The following PATJ variants were observed in gnomAD, a reference collection of about 807,000 sequenced individuals.
The protein encoded by PATJ is inaD-like protein.
Under a neutral mutation model 224.9 loss-of-function variants are expected in PATJ, and 190 were observed. The observed-to-expected ratio is 0.84, with a 90% CI of 0.75 to 0.95. The LOEUF is 0.95. Ranked by LOEUF, PATJ falls within the 40% of genes least tolerant of loss-of-function variation. PATJ has a pLI of 0.00. For synonymous variants in PATJ, 769 were observed against 820.3 expected (o/e 0.94, Z 1.07); for missense variants, 2,121 against 2,270.3 (o/e 0.93, Z 1.34).
rs190429187 is a variant in PATJ at position 61,963,506 on chromosome 1, G to A, written c.3671-26662G>A. ...AGTTACTCAGGAGGCTAAGGCAGGA[G>A]AATCACTAGAACCCAGGAGGCAGAG... On this transcript the variant is annotated intron_variant, in intron 27 of 43. Transcript: ENST00000642238. Among the ~76,000 whole-genome samples the A allele has an allele frequency of 1.4e-4, 21 of 152,160 alleles. No individual in the cohort carries two copies. In the East Asian group the frequency reaches 4.1e-3, roughly 29 times the overall value.
intron 15 of PATJ, among the ~76,000 whole-genome samples, chr1:61,823,603 T>C (rs1338606825): frequency 6.6e-6 from 1 of 152,168 alleles, no homozygotes; most frequent in African/African-American, 2.4e-5. Flanking sequence ...TCTTGGGGAA[T>C]GGTCACACAA....
At chr1:61,816,158 T>C (rs1251778357) in intron 14 of PATJ, among the ~76,000 whole-genome samples, 1 of 152,208 alleles carries the variant, frequency 6.6e-6, no homozygotes, top group Non-Finnish European at 1.5e-5. Context: ...AACCACTTTA[T>C]AATGAACAAA....
At chr1:62,140,638 G>GC (rs1667405592) in intron 41 of PATJ, among the ~76,000 whole-genome samples, 1 of 151,838 alleles carries the variant, frequency 6.6e-6, no homozygotes, top group African/African-American at 2.4e-5. Flanking sequence ...GGGCAACAGA[G>GC]CGAGACACCA....
At chr1:62,118,707 G>C (rs1483247917) in intron 37 of PATJ, among the ~76,000 whole-genome samples, 1 of 152,108 alleles carries the variant, frequency 6.6e-6, no homozygotes, top group Non-Finnish European at 1.5e-5. Context: ...TCAGCTCACT[G>C]TAATCTTCGC....
intron 20 of PATJ, among the ~76,000 whole-genome samples, chr1:61,873,922 A>C (rs1667002111): frequency 6.6e-6 from 1 of 152,080 alleles, no homozygotes; most frequent in African/African-American, 2.4e-5. Context: ...TCAATTTGGG[A>C]TGTGAAAATC....
intron 25 of PATJ, 150 bp from the exon 26 acceptor site, chr1:61,914,437 C>T (rs913774152): frequency 7.0e-6 from 3 of 426,990 alleles, no homozygotes; most frequent in African/African-American, 6.1e-5. Context: ...GCCTGGGTGA[C>T]AAGAGCGAAT....
At chr1:61,899,682 C>A in intron 23 of PATJ, 28 bp downstream of exon 23, 2 of 1,491,048 alleles carry the variant, frequency 1.3e-6, no homozygotes, top group South Asian at 1.2e-5. Context: ...TTGTGGCTTT[C>A]TCAATAGGAG....
At chr1:61,958,512 A>G (rs1307900744) in intron 27 of PATJ, among the ~76,000 whole-genome samples, 1 of 152,212 alleles carries the variant, frequency 6.6e-6, no homozygotes. Context: ...CTATGGTTAA[A>G]GTACCCTACC....
chr1:61,867,720 CT>C (rs1423669635), intron 20 of PATJ, among the ~76,000 whole-genome samples: 3 of 151,956 alleles, frequency 2.0e-5, no homozygotes, highest in Non-Finnish European at 4.4e-5. Flanking sequence ...ATTATATGTG[CT>C]TTCTTAAGGT....
chr1:61,794,435 A>G (rs935328082), intron 9 of PATJ, among the ~76,000 whole-genome samples: 14 of 152,098 alleles, frequency 9.2e-5, no homozygotes, highest in Admixed American at 3.3e-4. Context: ...GTGAACAACT[A>G]CACCTGGCCT....
rs148874768 is a variant in PATJ at position 61,918,451 on chromosome 1, G to A, written c.3570+3787G>A. Among the ~76,000 whole-genome samples the A allele has an allele frequency of 3.1e-3, 477 of 151,720 alleles. 1 individual carries two copies. Among genetic ancestry groups the A allele is most frequent in the African/African-American group, 0.011 (458 of 41,378 alleles). Reference sequence around the variant, plus strand: ...GCCTCCCGAGTAGCTGGGATTACAGGCATGCGCCACCATGCCTGGCTAAAT... The same window carrying A: ...GCCTCCCGAGTAGCTGGGATTACAGACATGCGCCACCATGCCTGGCTAAAT... On this transcript the variant is annotated intron_variant, in intron 26 of 43. Coordinates refer to ENST00000642238, the MANE Select transcript of PATJ (RefSeq NM_001350145.3).
intron 1 of PATJ, among the ~76,000 whole-genome samples, chr1:61,755,935 G>A (rs1645613803): frequency 6.6e-6 from 1 of 152,036 alleles, no homozygotes; most frequent in Non-Finnish European, 1.5e-5. Flanking sequence ...CCAAGTAGCT[G>A]GGATTACAGG....
At position 61,766,339 on chromosome 1, in the gene PATJ, G is replaced by A. The variant is rs1219535225; in HGVS notation, c.250G>A (p.Val84Met). ...NFDFSRKGLL[V>M]FTDGSITNGN... Reference sequence around the variant, plus strand: ...TGATTTTTCTAGGAAAGGTTTGTTAGTGTTCACAGATGGTTCCATCACTAA... The same window carrying A: ...TGATTTTTCTAGGAAAGGTTTGTTAATGTTCACAGATGGTTCCATCACTAA... The change falls in exon 4 of 44, where the codon GTG becomes ATG. Residue 84 changes from valine (V) to methionine (M), a missense_variant. Coordinates refer to ENST00000642238, the MANE Select transcript of PATJ (RefSeq NM_001350145.3). 10 of 1,611,582 alleles carry A rather than the reference G, an allele frequency of 6.2e-6. No homozygotes were observed. The highest frequency in any genetic ancestry group is 8.5e-6 in the Non-Finnish European group (10 of 1,178,562).
chr1:62,033,439 C>G (rs1245376202), intron 29 of PATJ, among the ~76,000 whole-genome samples: 3 of 152,170 alleles, frequency 2.0e-5, no homozygotes, highest in Non-Finnish European at 4.4e-5. Context: ...GAAGGGAATT[C>G]TGAACCCCTG....
intron 24 of PATJ, among the ~76,000 whole-genome samples, chr1:61,902,430 T>A (rs1484062565): frequency 1.3e-5 from 2 of 152,042 alleles, no homozygotes; most frequent in African/African-American, 4.8e-5. Context: ...CTGGATGTCA[T>A]GGGTTGGAGT....
rs74076887 is a variant in PATJ, at chr1:62,006,032, A to G, written c.3868-11824A>G. Among the ~76,000 whole-genome samples, 291 of 152,266 alleles carry G rather than the reference A, an allele frequency of 1.9e-3. 1 individual carries two copies. Among genetic ancestry groups the G allele is most frequent in the African/African-American group, 6.6e-3 (274 of 41,542 alleles). Reference sequence around the variant, plus strand: ...TCCTAGCTTAAGTTAATTAACTTTTACTTCCAATTTGGCAGGGTTTTTTAG... The same window carrying G: ...TCCTAGCTTAAGTTAATTAACTTTTGCTTCCAATTTGGCAGGGTTTTTTAG... On this transcript the variant is annotated intron_variant, in intron 28 of 43. Coordinates refer to ENST00000642238, the MANE Select transcript of PATJ (RefSeq NM_001350145.3).
chr1:61,793,415 T>C (rs997706517), intron 9 of PATJ, among the ~76,000 whole-genome samples: 3 of 152,136 alleles, frequency 2.0e-5, no homozygotes, highest in Non-Finnish European at 4.4e-5. Flanking sequence ...GGTAAAATCA[T>C]GAAAATGCTA....
At chr1:62,062,892 T>C (rs1655799241) in intron 31 of PATJ, among the ~76,000 whole-genome samples, 1 of 152,186 alleles carries the variant, frequency 6.6e-6, no homozygotes, top group African/African-American at 2.4e-5. Context: ...AAGTTCCTTA[T>C]AGATTCTGGA....
chr1:61,980,830 T>C (rs1644414623), intron 27 of PATJ, among the ~76,000 whole-genome samples: 1 of 151,978 alleles, frequency 6.6e-6, no homozygotes, highest in African/African-American at 2.4e-5. Context: ...CTACCATTTC[T>C]CTCTTAAGTT....
Sources: allele counts gnomAD v4.1 joint callset (sites outside exome capture counted in the v4.1 genomes callset), GRCh38; gene constraint gnomAD v4.1.1; transcripts MANE v1.5; gene names NCBI Gene and HGNC (gene_info 2026-07-23, HGNC 2026-07-21).